ADAMTS9: variants seen among roughly 807,000 people sequenced by gnomAD.
ADAMTS9 encodes ADAM metallopeptidase with thrombospondin type 1 motif 9, also known as A disintegrin and metalloproteinase with thrombospondin motifs 9.
ADAMTS9 carries 107 observed loss-of-function variants against 257.1 expected under a neutral mutation model. The ratio of observed to expected loss-of-function variants is 0.42; its 90% CI spans 0.36 to 0.49. The LOEUF (loss-of-function observed/expected upper bound fraction) is 0.49, where lower values mean the gene tolerates loss of function less well. ADAMTS9 is among the 20% of genes least tolerant of loss of function. The probability of loss-of-function intolerance (pLI) is 0.03; values close to 1 mark genes in which losing one functional copy is unlikely to be tolerated. For missense variants in ADAMTS9, 2,353 were observed against 2,469.1 expected, an observed-to-expected ratio of 0.95 and a Z score of 1.00; for synonymous variants, 982 against 880.9, an observed-to-expected ratio of 1.11 and a Z score of -2.03.
chr3:64,636,287 AAC>A (rs1484953907), intron 12 of ADAMTS9, among the ~76,000 whole-genome samples: 2 of 152,176 alleles, frequency 1.3e-5, no homozygotes, highest in African/African-American at 2.4e-5. Flanking sequence ...ATTTTTTATA[AAC>A]ACACAAAAAA....
chr3:64,639,058 T>C (rs1181121270), intron 12 of ADAMTS9, among the ~76,000 whole-genome samples: 2 of 152,078 alleles, frequency 1.3e-5, no homozygotes, highest in African/African-American at 4.8e-5. Context: ...ACGTTCTACA[T>C]AATGAACCAT....
intron 31 of ADAMTS9, among the ~76,000 whole-genome samples, chr3:64,547,882 T>C (rs28542347): frequency 0.031 from 4,687 of 152,170 alleles, 214 homozygotes; most frequent in African/African-American, 0.098. Flanking sequence ...ATTTTCTATA[T>C]AAAAAATAAA....
At chr3:64,635,109 A>G (rs778730291) in intron 12 of ADAMTS9, among the ~76,000 whole-genome samples, 12 of 152,130 alleles carry the variant, frequency 7.9e-5, no homozygotes, top group African/African-American at 2.2e-4. Flanking sequence ...ATCTGATCCA[A>G]TTCTGCAGTT....
intron 30 of ADAMTS9, among the ~76,000 whole-genome samples, chr3:64,552,251 T>C (rs1013272382): frequency 2.0e-5 from 3 of 152,154 alleles, no homozygotes; most frequent in African/African-American, 7.2e-5. Flanking sequence ...ACAGAGCAAG[T>C]GGTATGTTTC....
intron 32 of ADAMTS9, among the ~76,000 whole-genome samples, chr3:64,542,521 A>G (rs58040187): frequency 0.031 from 4,639 of 148,234 alleles, 250 homozygotes; most frequent in African/African-American, 0.11. Context: ...TCCGCCTCCC[A>G]GGTTCAAGCG....
chr3:64,670,146 T>C (rs911663967), intron 3 of ADAMTS9, among the ~76,000 whole-genome samples: 1 of 150,354 alleles, frequency 6.7e-6, no homozygotes, highest in Non-Finnish European at 1.5e-5. Context: ...CTCAGTCTCA[T>C]TGTCCCTCTG....
rs1046903081 is a variant in ADAMTS9 at position 64,632,716 on chromosome 3, G to C, written c.2175+756C>G. ...AAACTCAATGTGTTGCTGTGAAATG[G>C]ACAGACAAGGAAATCTGCAGTATAA... On this transcript the variant is annotated intron_variant, in intron 14 of 39. Transcript: ENST00000498707. 2.6e-5 allele frequency among the ~76,000 whole-genome samples: 4 copies of C among 152,048 alleles called. 1 individual carries two copies. Among genetic ancestry groups the C allele is most frequent in the African/African-American group, 4.8e-5 (2 of 41,414 alleles).
intron 28 of ADAMTS9, among the ~76,000 whole-genome samples, chr3:64,572,846 G>A (rs570070998): frequency 3.3e-5 from 5 of 151,976 alleles, no homozygotes; most frequent in East Asian, 1.9e-4. Context: ...TTGGGAGGCC[G>A]AGGCAGGCGG....
intron 18 of ADAMTS9, among the ~76,000 whole-genome samples, chr3:64,621,973 T>C (rs1362233609): frequency 2.0e-5 from 3 of 151,956 alleles, no homozygotes; most frequent in African/African-American, 4.8e-5. Context: ...GTTTTACACA[T>C]GTGTACAAAA....
At chr3:64,655,159 T>C (rs535944078) in intron 6 of ADAMTS9, among the ~76,000 whole-genome samples, 4 of 152,368 alleles carry the variant, frequency 2.6e-5, no homozygotes, top group African/African-American at 9.6e-5. Flanking sequence ...CTGGCAACAC[T>C]GAACTCATAT....
chr3:64,545,708 G>T (rs1294747725), intron 32 of ADAMTS9, among the ~76,000 whole-genome samples: 2 of 152,142 alleles, frequency 1.3e-5, no homozygotes, highest in East Asian at 3.9e-4. Context: ...GTATACATAT[G>T]TAACATACCT....
At chr3:64,616,307 C>A (rs1330932607) in intron 19 of ADAMTS9, 137 bp from the exon 20 acceptor site, 7 of 880,004 alleles carry the variant, frequency 8.0e-6, no homozygotes, top group Non-Finnish European at 1.2e-5. Flanking sequence ...AAGCCACAGT[C>A]AGTTGCTAAA....
At chr3:64,550,434 G>T in intron 31 of ADAMTS9, 1 of 154,054 alleles carries the variant, frequency 6.5e-6, no homozygotes, top group Non-Finnish European at 1.4e-5. Context: ...GTCTGGTAAC[G>T]CTAGACCACA....
chr3:64,645,863 T>G (rs1700773124), intron 11 of ADAMTS9, among the ~76,000 whole-genome samples: 1 of 152,128 alleles, frequency 6.6e-6, no homozygotes, highest in Admixed American at 6.5e-5. Context: ...CTCCCGAAGC[T>G]CCCCATCCCT....
rs373173564 is a variant in ADAMTS9, at chr3:64,546,984, G to T, written c.4870-32C>A. The T allele has an allele frequency of 3.2e-6, 5 of 1,581,584 alleles. No homozygotes were observed. The Middle Eastern group carries it at 5.2e-4, about 164-fold the overall frequency. ...AGACAGGGATTGAGAGGAGAGGTTC[G>T]AGCAGTTCCTGGGGGCAGCCCACAA... On this transcript the variant is annotated intron_variant, in intron 31 of 39. Coordinates refer to ENST00000498707, the MANE Select transcript of ADAMTS9 (RefSeq NM_182920.2).
chr3:64,670,508 A>G (rs1256082324), intron 3 of ADAMTS9, among the ~76,000 whole-genome samples: 3 of 152,222 alleles, frequency 2.0e-5, no homozygotes, highest in Non-Finnish European at 4.4e-5. Context: ...TCTACGGTGC[A>G]TGAAGTATTG....
chr3:64,599,012 G>A (rs1319237662), intron 26 of ADAMTS9, among the ~76,000 whole-genome samples: 1 of 152,132 alleles, frequency 6.6e-6, no homozygotes, highest in Admixed American at 6.5e-5. Context: ...TGGGTGCAAG[G>A]ATGAACACCT....
At chr3:64,670,382 C>T (rs1182012099) in intron 3 of ADAMTS9, among the ~76,000 whole-genome samples, 1 of 152,192 alleles carries the variant, frequency 6.6e-6, no homozygotes, top group Non-Finnish European at 1.5e-5. Flanking sequence ...TTGGCCTAGA[C>T]CATGGCTTTG....
At chr3:64,635,196 C>T (rs993129785) in intron 12 of ADAMTS9, among the ~76,000 whole-genome samples, 1 of 152,056 alleles carries the variant, frequency 6.6e-6, no homozygotes, top group African/African-American at 2.4e-5. Context: ...AAAGGCCCTC[C>T]TAGAGAAGCT....
Sources: gnomAD v4.1 joint callset for allele counts (sites outside exome capture counted in the v4.1 genomes callset) on GRCh38, gnomAD v4.1.1 for gene constraint, MANE v1.5 for transcripts, NCBI Gene and HGNC (gene_info 2026-07-23, HGNC 2026-07-21) for gene names.